ETNPPL: variants seen among roughly 807,000 people sequenced by gnomAD.
ETNPPL encodes alanine--glyoxylate aminotransferase 2-like 1.
ETNPPL carries 30 observed loss-of-function variants against 55.5 expected under a neutral mutation model. The observed-to-expected ratio is 0.54, with a 90% CI of 0.40 to 0.73. The LOEUF is 0.73. ETNPPL is among the 30% of genes least tolerant of loss of function. The probability of loss-of-function intolerance (pLI) is 0.00; values close to 1 mark genes in which losing one functional copy is unlikely to be tolerated. For synonymous variants in ETNPPL, 202 were observed against 207.2 expected, an observed-to-expected ratio of 0.98 and a Z score of 0.21; for missense variants, 528 against 607.9, an observed-to-expected ratio of 0.87 and a Z score of 1.38.
intron 11 of ETNPPL, among the ~76,000 whole-genome samples, chr4:108,744,784 G>A (rs758942991): frequency 7.4e-5 from 11 of 147,696 alleles, no homozygotes; most frequent in Admixed American, 6.1e-4. Context: ...GTAGTGGCAC[G>A]GCTCACTGCA....
At chr4:108,747,921 G>T (rs1208792141) in intron 9 of ETNPPL, 84 bp downstream of exon 9, 17 of 1,152,896 alleles carry the variant, frequency 1.5e-5, no homozygotes, top group Non-Finnish European at 2.0e-5. Flanking sequence ...ATAGAGACGG[G>T]GTCTCACCAT....
Position 108,759,783 on chromosome 4 carries a change from C to T in ETNPPL, c.301G>A (p.Glu101Lys). The T allele has an allele frequency of 6.2e-7, 1 of 1,614,116 alleles. No individual in the cohort carries two copies. The highest frequency in any genetic ancestry group is 8.5e-7 in the Non-Finnish European group (1 of 1,180,014). The change falls in exon 3 of 13, where the codon GAG becomes AAG. Residue 101 changes from glutamate to lysine, a missense_variant. Transcript: ENST00000296486. ...GTAAAATAACAAACAGAGAGTTTCTCCGGCAGAGTTGCTGAAAGGCGTTTG... is the reference window on the plus strand; with the variant it reads ...GTAAAATAACAAACAGAGAGTTTCTTCGGCAGAGTTGCTGAAAGGCGTTTG... ...YAKRLSATLPEKLSVCYFTNS... is the reference protein window; with the variant it reads ...YAKRLSATLPKKLSVCYFTNS...
intron 6 of ETNPPL, among the ~76,000 whole-genome samples, chr4:108,752,392 A>G (rs1399115500): frequency 6.6e-6 from 1 of 152,212 alleles, no homozygotes; most frequent in Non-Finnish European, 1.5e-5. Flanking sequence ...TCCTGCTCTC[A>G]AGGATTTTGT....
At chr4:108,747,943 T>C in intron 9 of ETNPPL, 62 bp downstream of exon 9, 1 of 1,418,460 alleles carries the variant, frequency 7.0e-7, no homozygotes, top group Non-Finnish European at 9.7e-7. Flanking sequence ...TTGCCCAGCC[T>C]ATAAACTATT....
Position 108,746,757 on chromosome 4 carries a change from A to T in ETNPPL, c.1172+5T>A. Reference sequence around the variant, plus strand: ...ACCAAACAGGTGGGTGTGGGGGTGAATTACTTGTAGATGATGTGCTGAGCT... The same window carrying T: ...ACCAAACAGGTGGGTGTGGGGGTGATTTACTTGTAGATGATGTGCTGAGCT... On this transcript the variant is annotated splice_donor_5th_base_variant and intron_variant, in intron 10 of 12. Transcript: ENST00000296486. 1.2e-6 allele frequency: 2 copies of T among 1,613,182 alleles called. No homozygotes were observed. Among genetic ancestry groups the T allele is most frequent in the African/African-American group, 1.3e-5 (1 of 74,982 alleles).
At position 108,762,940 on chromosome 4, in the gene ETNPPL, G is replaced by A. The variant is rs762628594; in HGVS notation, c.-42C>T. ...GCGCTGCGAAGGTGCAAGGTGCAAG[G>A]TCTGCGCGCCTCCTACGCGAGCCTG... On this transcript the variant is annotated 5_prime_UTR_variant, in exon 1 of 13. Coordinates refer to ENST00000296486, the MANE Select transcript of ETNPPL (RefSeq NM_031279.4). 6.3e-7 allele frequency: 1 copy of A among 1,593,716 alleles called. No individual in the cohort carries two copies. Among genetic ancestry groups the A allele is most frequent in the East Asian group, 2.2e-5 (1 of 44,692 alleles).
chr4:108,752,904 A>G lies in ETNPPL; in HGVS notation c.609T>C (p.Ser203=). Residue 203 remains serine, a synonymous_variant, in exon 6 of 13, where the codon AGT becomes AGC. Coordinates refer to ENST00000296486, the MANE Select transcript of ETNPPL (RefSeq NM_031279.4). ...AGCTATAAATACAAACCTTCCTTCC[A>G]CTGTTATGAGCATCTTCAATGATTT... The part of the protein sequence containing the change: ...VKKIIEDAHN[S]GRKIAAFIAE... 6.3e-7 allele frequency: 1 copy of G among 1,582,526 alleles called. No individual in the cohort carries two copies. Among genetic ancestry groups the G allele is most frequent in the Non-Finnish European group, 8.7e-7 (1 of 1,153,746 alleles).
rs1728324937 is a variant in ETNPPL at position 108,743,678 on chromosome 4, C to T, written c.1371+111G>A. 3 of 764,752 alleles carry T rather than the reference C, an allele frequency of 3.9e-6. No homozygotes were observed. The South Asian group carries it at 4.6e-5, about 12-fold the overall frequency. The allele number at this position is 764,752 out of a possible 1,614,324, so 47.4% of individuals were successfully genotyped here. On this transcript the variant is annotated intron_variant, in intron 12 of 12. Transcript: ENST00000296486. ...CAACAATAAGTGAACCTAATACAGG[C>T]TGGCATTGTTCTAATGGTCACTGCA...
chr4:108,747,379 G>T (rs1728657787), intron 9 of ETNPPL, among the ~76,000 whole-genome samples: 1 of 148,408 alleles, frequency 6.7e-6, no homozygotes, highest in African/African-American at 2.5e-5. Context: ...TTCATCTTTT[G>T]GGTGCTGACA....
intron 3 of ETNPPL, among the ~76,000 whole-genome samples, chr4:108,758,288 C>T (rs1203798172): frequency 6.6e-6 from 1 of 152,072 alleles, no homozygotes. Context: ...CCACGCCGAA[C>T]CATATTTCGT....
At position 108,759,864 on chromosome 4, in the gene ETNPPL, T is replaced by G. The variant is rs763092025; in HGVS notation, c.220A>C (p.Met74Leu). ...PGVVKAALKQ[M>L]ELLNTNSRFL... ...CGAGAATTTGTATTTAGCAGTTCCA[T>G]CTGTTTCAGGGCAGCTTTGACCACT... The change falls in exon 3 of 13, where the codon ATG (methionine) becomes CTG (leucine). Residue 74 changes from methionine to leucine, a missense_variant. Transcript: ENST00000296486. 11 of 1,614,060 alleles carry G rather than the reference T, an allele frequency of 6.8e-6. No homozygotes were observed. Among genetic ancestry groups the G allele is most frequent in the Non-Finnish European group, 9.3e-6 (11 of 1,180,026 alleles).
Position 108,742,602 on chromosome 4 carries a change from T to G in ETNPPL, c.1382A>C (p.Glu461Ala), listed in dbSNP as rs147367531. The G allele has an allele frequency of 2.6e-4, 413 of 1,613,932 alleles. No homozygotes were observed. Among genetic ancestry groups the G allele is most frequent in the Non-Finnish European group, 3.3e-4 (391 of 1,180,024 alleles). Residue 461 changes from glutamate to alanine, a missense_variant, in exon 13 of 13, where the codon GAA becomes GCA. Transcript: ENST00000296486. The part of the protein sequence containing the change: ...NTPCKTKMLK[E>A]AHIELLRDST... The stretch of plus-strand genomic sequence containing the variant: ...GTCCCTAAGCAGTTCTATGTGGGCT[T>G]CTTTCAGCATCTGCAAGACAGGCAC...
intron 5 of ETNPPL, among the ~76,000 whole-genome samples, chr4:108,753,905 T>G (rs1056338891): frequency 7.9e-5 from 12 of 151,940 alleles, no homozygotes; most frequent in Admixed American, 5.9e-4. Context: ...GGTTGGTTTC[T>G]TTATTTTACT....
At chr4:108,746,262 G>A in intron 11 of ETNPPL, 137 bp downstream of exon 11, 1 of 690,438 alleles carries the variant, frequency 1.4e-6, no homozygotes, top group Non-Finnish European at 2.2e-6. Context: ...TAAATGGAAA[G>A]TTACACATTT....
At position 108,748,163 on chromosome 4, in the gene ETNPPL, TAA is replaced by T. The variant is rs33958723; in HGVS notation, c.928-6_928-5del. On this transcript the variant is annotated splice_region_variant and splice_polypyrimidine_tract_variant and intron_variant, in intron 8 of 12. Transcript: ENST00000296486. ...AAGATACTGGATTTCCTCCATACTGTAAAAAAAAAAAAGACAAATGAGAAAAT... is the reference window on the plus strand; with the variant it reads ...AAGATACTGGATTTCCTCCATACTGTAAAAAAAAAAGACAAATGAGAAAAT... The T allele has an allele frequency of 3.9e-3, 5,053 of 1,306,098 alleles. No individual in the cohort carries two copies. The highest frequency in any genetic ancestry group is 0.021 in the East Asian group (725 of 34,710). 80.9% of individuals were successfully genotyped at this position (1,306,098 alleles called of 1,614,324 possible).
intron 2 of ETNPPL, 140 bp from the exon 3 acceptor site, chr4:108,760,048 G>A (rs375282857): frequency 2.1e-5 from 24 of 1,117,536 alleles, no homozygotes; most frequent in African/African-American, 2.0e-4. Context: ...ATTTTGCTGC[G>A]ATTTTCCCCA....
intron 9 of ETNPPL, among the ~76,000 whole-genome samples, chr4:108,747,148 A>ATT (rs1491176665): frequency 2.8e-5 from 1 of 35,420 alleles, no homozygotes. Context: ...ATATATATAT[A>ATT]ATATATATAT....
chr4:108,745,769 A>G (rs887871660), intron 11 of ETNPPL, among the ~76,000 whole-genome samples: 1 of 151,920 alleles, frequency 6.6e-6, no homozygotes, highest in African/African-American at 2.4e-5. Flanking sequence ...CATCTCTACT[A>G]AAAATGCAGA....
At position 108,746,858 on chromosome 4, in the gene ETNPPL, G is replaced by A. The variant is rs747321068; in HGVS notation, c.1083-7C>T. ...AATAAAAAGGCCAATGCCCCTGCGA[G>A]AGGTGAAGAAAAACTTGACCCACAA... is the stretch of plus-strand genomic sequence containing the variant. On this transcript the variant is annotated splice_region_variant and splice_polypyrimidine_tract_variant and intron_variant, in intron 9 of 12. Transcript: ENST00000296486. 2.5e-6 allele frequency: 4 copies of A among 1,608,366 alleles called. No individual in the cohort carries two copies. Among genetic ancestry groups the A allele is most frequent in the South Asian group, 1.1e-5 (1 of 90,982 alleles).
Sources: allele counts gnomAD v4.1 joint callset (sites outside exome capture counted in the v4.1 genomes callset), GRCh38; gene constraint gnomAD v4.1.1; transcripts MANE v1.5; gene names NCBI Gene and HGNC (gene_info 2026-07-23, HGNC 2026-07-21).